COL25A1: variants seen among roughly 807,000 people sequenced by gnomAD.
COL25A1 encodes the protein collagen type XXV alpha 1 chain.
Under a neutral mutation model 128.4 loss-of-function variants are expected in COL25A1, and 103 were observed. The ratio of observed to expected loss-of-function variants is 0.80; its 90% confidence interval spans 0.68 to 0.94. The LOEUF is 0.94. COL25A1 is among the 40% of genes least tolerant of loss of function. COL25A1 has a pLI of 0.00. For missense variants in COL25A1, 745 were observed against 840.0 expected, an observed-to-expected ratio of 0.89 and a Z score of 1.40; for synonymous variants, 279 against 277.2, an observed-to-expected ratio of 1.01 and a Z score of -0.06.
At chr4:108,861,227 C>T (rs1737176836) in intron 22 of COL25A1, among the ~76,000 whole-genome samples, 1 of 152,152 alleles carries the variant, frequency 6.6e-6, no homozygotes, top group African/African-American at 2.4e-5. Flanking sequence ...AACTGTCTCA[C>T]TAGGTAGGAT....
chr4:108,850,804 C>G (rs1401101866), intron 26 of COL25A1, among the ~76,000 whole-genome samples: 1 of 152,078 alleles, frequency 6.6e-6, no homozygotes, highest in South Asian at 2.1e-4. Context: ...AATTAATACA[C>G]GAATAGCAAT....
intron 5 of COL25A1, among the ~76,000 whole-genome samples, chr4:109,040,112 G>C (rs1759743987): frequency 6.6e-6 from 1 of 152,094 alleles, no homozygotes; most frequent in South Asian, 2.1e-4. Flanking sequence ...AGAACATCTA[G>C]GTAACCTGGA....
intron 3 of COL25A1, among the ~76,000 whole-genome samples, chr4:109,196,828 T>C (rs1159861119): frequency 6.6e-6 from 1 of 152,150 alleles, no homozygotes; most frequent in African/African-American, 2.4e-5. Flanking sequence ...AATGTGCAAA[T>C]ACTGAAAGGT....
intron 3 of COL25A1, among the ~76,000 whole-genome samples, chr4:109,289,926 C>T (rs1022772304): frequency 2.0e-5 from 3 of 151,942 alleles, no homozygotes; most frequent in African/African-American, 7.3e-5. Context: ...CTCATCACAT[C>T]CTATAATTGT....
chr4:109,301,026 T>C (rs1275168182), intron 2 of COL25A1, among the ~76,000 whole-genome samples: 1 of 152,168 alleles, frequency 6.6e-6, no homozygotes, highest in Non-Finnish European at 1.5e-5. Context: ...ACTGCTTTAT[T>C]TATCATGCTA....
intron 3 of COL25A1, among the ~76,000 whole-genome samples, chr4:109,279,815 T>C (rs192102912): frequency 6.6e-6 from 1 of 152,314 alleles, no homozygotes; most frequent in African/African-American, 2.4e-5. Context: ...CTACATTTCC[T>C]TTTTCTCCAG....
intron 5 of COL25A1, among the ~76,000 whole-genome samples, chr4:109,013,711 A>G (rs978320961): frequency 1.3e-5 from 2 of 152,142 alleles, no homozygotes; most frequent in African/African-American, 4.8e-5. Flanking sequence ...ACTCACCGGG[A>G]AGGTCTGCAG....
intron 19 of COL25A1, among the ~76,000 whole-genome samples, chr4:108,870,939 C>G (rs1199572784): frequency 6.6e-6 from 1 of 151,856 alleles, no homozygotes; most frequent in African/African-American, 2.4e-5. Flanking sequence ...ATAGATGCAC[C>G]ATTAAAGCAT....
chr4:108,840,106 G>T (rs1020384401), intron 31 of COL25A1, among the ~76,000 whole-genome samples: 1 of 152,010 alleles, frequency 6.6e-6, no homozygotes, highest in Non-Finnish European at 1.5e-5. Flanking sequence ...GCCGGGCATG[G>T]TGGTGGGTGC....
intron 3 of COL25A1, among the ~76,000 whole-genome samples, chr4:109,051,012 T>C (rs1451599126): frequency 2.0e-5 from 3 of 152,150 alleles, no homozygotes; most frequent in African/African-American, 4.8e-5. Flanking sequence ...CCTCATTTCC[T>C]TGGGCAGGAG....
At chr4:109,248,948 C>A (rs144317467) in intron 3 of COL25A1, among the ~76,000 whole-genome samples, 2 of 152,318 alleles carry the variant, frequency 1.3e-5, no homozygotes, top group East Asian at 3.9e-4. Flanking sequence ...TAGTGGCATA[C>A]AATTAACTCC....
chr4:108,838,020 G>T, intron 31 of COL25A1: 1 of 975,352 alleles, frequency 1.0e-6, no homozygotes, highest in Non-Finnish European at 1.6e-6. Flanking sequence ...ACGAGCTGCT[G>T]AGTAAACCAG....
intron 5 of COL25A1, among the ~76,000 whole-genome samples, chr4:109,040,896 T>C (rs1759818697): frequency 6.6e-6 from 1 of 152,138 alleles, no homozygotes; most frequent in Non-Finnish European, 1.5e-5. Context: ...TAATTTTACT[T>C]ATCAAGTATC....
chr4:109,268,318 T>G (rs981734268), intron 3 of COL25A1, among the ~76,000 whole-genome samples: 8 of 152,206 alleles, frequency 5.3e-5, no homozygotes, highest in African/African-American at 1.7e-4. Context: ...TATTTTTTCA[T>G]GATTCTTGTA....
At chr4:109,137,481 C>CGT (rs1186423067) in intron 3 of COL25A1, among the ~76,000 whole-genome samples, 1 of 152,064 alleles carries the variant, frequency 6.6e-6, no homozygotes, top group Non-Finnish European at 1.5e-5. Flanking sequence ...TCCACTGGAC[C>CGT]ACTGCCTTAG....
intron 3 of COL25A1, among the ~76,000 whole-genome samples, chr4:109,181,439 A>T (rs191754820): frequency 1.2e-4 from 19 of 152,260 alleles, no homozygotes; most frequent in African/African-American, 4.6e-4. Context: ...AAATTAATTA[A>T]CACAGATTTA....
At chr4:109,003,685 CA>C (rs1285704992) in intron 6 of COL25A1, among the ~76,000 whole-genome samples, 4 of 152,104 alleles carry the variant, frequency 2.6e-5, no homozygotes, top group Non-Finnish European at 2.9e-5. Flanking sequence ...CCTATAATCC[CA>C]GCTACTCTGG....
At chr4:109,240,024 A>T (rs1779779795) in intron 3 of COL25A1, among the ~76,000 whole-genome samples, 1 of 152,078 alleles carries the variant, frequency 6.6e-6, no homozygotes, top group Non-Finnish European at 1.5e-5. Flanking sequence ...AGGGGCAATG[A>T]CACATACGGA....
rs547118323 is a variant in COL25A1 at position 108,810,387 on chromosome 4, C to A, written c.*3540G>T. On this transcript the variant is annotated 3_prime_UTR_variant, in exon 38 of 38. Coordinates refer to ENST00000399132, the MANE Select transcript of COL25A1 (RefSeq NM_198721.4). ...GATGTGTAAGTTCTTGCTGTCCCATCAGAACATCGTATGCACAGAATGTAA... is the reference window on the plus strand; with the variant it reads ...GATGTGTAAGTTCTTGCTGTCCCATAAGAACATCGTATGCACAGAATGTAA... 3.3e-5 allele frequency: 5 copies of A among 151,938 alleles called. No homozygotes were observed. The highest frequency in any genetic ancestry group is 2.6e-4 in the Admixed American group (4 of 15,264). 9.4% of individuals were successfully genotyped at this position (151,938 alleles called of 1,614,324 possible).
Sources: allele counts gnomAD v4.1 joint callset (sites outside exome capture counted in the v4.1 genomes callset), GRCh38; gene constraint gnomAD v4.1.1; transcripts MANE v1.5; gene names NCBI Gene and HGNC (gene_info 2026-07-23, HGNC 2026-07-21).